Variants in PDE8A observed in about 807,000 individuals in gnomAD.
The protein encoded by PDE8A is phosphodiesterase 8A.
A neutral mutation model predicts 105.0 loss-of-function variants in PDE8A; 59 were observed. The observed-to-expected ratio is 0.56, with a 90% CI of 0.46 to 0.70. The LOEUF (loss-of-function observed/expected upper bound fraction) is 0.70. PDE8A is among the 30% of genes least tolerant of loss of function. The pLI is 0.00. For synonymous variants in PDE8A, 355 were observed against 371.9 expected, an observed-to-expected ratio of 0.95 and a Z score of 0.52; for missense variants, 1,014 against 1,045.9, an observed-to-expected ratio of 0.97 and a Z score of 0.42.
Position 85,083,551 on chromosome 15 carries a change from T to C in PDE8A, c.547-5T>C, listed in dbSNP as rs1397253999. 1 of 1,587,968 alleles carries C rather than the reference T, an allele frequency of 6.3e-7. No homozygotes were observed. The highest frequency in any genetic ancestry group is 8.6e-7 in the Non-Finnish European group (1 of 1,156,364). On this transcript the variant is annotated splice_polypyrimidine_tract_variant and splice_region_variant and intron_variant, in intron 5 of 21. Transcript: ENST00000394553. ...TATCCACAAAATTCCTCTTTCTGTT[T>C]GTAGAGGTATGTAGAAAACCCCAAC...
intron 12 of PDE8A, among the ~76,000 whole-genome samples, chr15:85,112,618 T>C (rs1032071629): frequency 6.6e-6 from 1 of 152,206 alleles, no homozygotes; most frequent in African/African-American, 2.4e-5. Context: ...TGGGCCTCAG[T>C]TTCTTCATTG....
At chr15:85,020,936 T>A (rs2080415709) in intron 1 of PDE8A, among the ~76,000 whole-genome samples, 1 of 152,212 alleles carries the variant, frequency 6.6e-6, no homozygotes, top group Admixed American at 6.5e-5. Flanking sequence ...ACAGACCTTA[T>A]TCATGTTGTC....
chr15:85,104,907 A>G (rs751382942), intron 11 of PDE8A, among the ~76,000 whole-genome samples: 3 of 152,114 alleles, frequency 2.0e-5, no homozygotes, highest in African/African-American at 4.8e-5. Flanking sequence ...TCATTCATTC[A>G]TCATTCATCC....
upstream of PDE8A, among the ~76,000 whole-genome samples, chr15:84,980,849 G>C (rs1249268238): frequency 6.6e-6 from 1 of 152,212 alleles, no homozygotes; most frequent in African/African-American, 2.4e-5. Context: ...GAGGACGGGC[G>C]CCTGCAGCCT....
At position 85,066,903 on chromosome 15, in the gene PDE8A, C is replaced by T. The variant is rs994909645; in HGVS notation, c.244-111C>T. ...GCAGTGAGCCAAGATCATGCCATTA[C>T]ACTCCAGCCTGAGCAACAGAGCAAG... On this transcript the variant is annotated intron_variant, in intron 2 of 21. Transcript: ENST00000394553. The T allele has an allele frequency of 5.6e-5, 42 of 750,020 alleles. No individual in the cohort carries two copies. The Middle Eastern group carries it at 1.7e-3, about 31-fold the overall frequency. 46.5% of individuals were successfully genotyped at this position (750,020 alleles called of 1,614,324 possible).
Position 85,113,425 on chromosome 15 carries a change from C to CA in PDE8A, c.1165dup (p.Ile389AsnfsTer2). ...TCCATGGCCCGGATACATTCCATGA[C>CA]AATTGAGGCGCCCATCACCAAGGTG... On this transcript the variant is annotated frameshift_variant, in exon 13 of 22. Coordinates refer to ENST00000394553, the MANE Select transcript of PDE8A (RefSeq NM_002605.3). LOFTEE classifies it high-confidence loss of function. 1 of 1,614,076 alleles carries CA rather than the reference C, an allele frequency of 6.2e-7. No homozygotes were observed. Among genetic ancestry groups the CA allele is most frequent in the Non-Finnish European group, 8.5e-7 (1 of 1,179,946 alleles).
intron 11 of PDE8A, 69 bp downstream of exon 11, chr15:85,100,267 T>A: frequency 1.5e-6 from 2 of 1,338,228 alleles, no homozygotes; most frequent in Non-Finnish European, 2.1e-6. Context: ...AACAGATCTT[T>A]AACTAGCTTG....
At chr15:85,099,900 CAG>C in intron 9 of PDE8A, 113 bp from the exon 10 acceptor site, 1 of 769,686 alleles carries the variant, frequency 1.3e-6, no homozygotes, top group African/African-American at 1.7e-5. Flanking sequence ...GAAATGTTCT[CAG>C]AGCGTTTTGT....
At position 85,091,201 on chromosome 15, in the gene PDE8A, C is replaced by G; in HGVS notation, c.852+20C>G. On this transcript the variant is annotated intron_variant, in intron 8 of 21. Transcript: ENST00000394553. ...GGCAAGGTAAGTAAGAGGTCAGTGC[C>G]TTTTTTAACTTTCACAACACAGAGA... is the stretch of plus-strand genomic sequence containing the variant. The G allele has an allele frequency of 1.9e-6, 3 of 1,574,680 alleles. No homozygotes were observed. Among genetic ancestry groups the G allele is most frequent in the Non-Finnish European group, 2.6e-6 (3 of 1,159,834 alleles).
At chr15:85,132,849 TG>T (rs2082348673) in intron 20 of PDE8A, among the ~76,000 whole-genome samples, 1 of 91,762 alleles carries the variant, frequency 1.1e-5, no homozygotes, top group Non-Finnish European at 2.6e-5. Flanking sequence ...TGTGTGTGTG[TG>T]TGTGTGTGTG....
At position 84,989,640 on chromosome 15, in the gene PDE8A, A is replaced by G. The variant is rs142895780; in HGVS notation, c.186+7292A>G. Among the ~76,000 whole-genome samples the G allele has an allele frequency of 2.6e-3, 401 of 152,348 alleles. 3 individuals are homozygous for G. The highest frequency in any genetic ancestry group is 9.3e-3 in the African/African-American group (385 of 41,568). On this transcript the variant is annotated intron_variant, in intron 1 of 21. Coordinates refer to ENST00000394553, the MANE Select transcript of PDE8A (RefSeq NM_002605.3). ...CCTGATCCTGAGTTTTCTCAAGTAC[A>G]GAGTGAAGCTAGAATACCTGGGTTC... is the stretch of plus-strand genomic sequence containing the variant.
At chr15:85,078,158 AAAG>A (rs1191366041) in intron 5 of PDE8A, among the ~76,000 whole-genome samples, 3 of 151,974 alleles carry the variant, frequency 2.0e-5, no homozygotes, top group Non-Finnish European at 1.5e-5. Flanking sequence ...AAAAAAAAAA[AAAG>A]AAAAGGACTT....
rs34363361 is a variant in PDE8A, at chr15:84,996,823, CAAAAAA to C, written c.186+14497_186+14502del. On this transcript the variant is annotated intron_variant, in intron 1 of 21. Coordinates refer to ENST00000394553, the MANE Select transcript of PDE8A (RefSeq NM_002605.3). Reference sequence around the variant, plus strand: ...CCTGGACAACAGAGCAAGACTCTCTCAAAAAAAAAAAAAAAAAAAAAAAAAAAGGTG... The same window carrying C: ...CCTGGACAACAGAGCAAGACTCTCTCAAAAAAAAAAAAAAAAAAAAAGGTG... 2.0e-4 allele frequency among the ~76,000 whole-genome samples: 11 copies of C among 53,830 alleles called. No homozygotes were observed. The Admixed American group carries it at 2.7e-3, about 13-fold the overall frequency. 35.3% of individuals were successfully genotyped at this position (53,830 alleles called of 152,430 possible).
At chr15:85,100,314 A>G (rs2081840348) in intron 11 of PDE8A, 116 bp downstream of exon 11, 1 of 877,518 alleles carries the variant, frequency 1.1e-6, no homozygotes, top group African/African-American at 1.7e-5. Flanking sequence ...AGACTGTGGC[A>G]ACATTTCTCT....
chr15:85,090,866 G>T (rs2081631475), intron 7 of PDE8A, 178 bp from the exon 8 acceptor site: 1 of 669,486 alleles, frequency 1.5e-6, no homozygotes. Context: ...GCTCGTCTGG[G>T]CTCCAGAATT....
chr15:85,109,346 A>G (rs2081989392), intron 12 of PDE8A, among the ~76,000 whole-genome samples: 1 of 152,222 alleles, frequency 6.6e-6, no homozygotes, highest in Admixed American at 6.5e-5. Flanking sequence ...AAAGAAAAGG[A>G]AGAAGATACA....
At chr15:85,014,356 A>G (rs796330392) in intron 1 of PDE8A, among the ~76,000 whole-genome samples, 15 of 152,150 alleles carry the variant, frequency 9.9e-5, no homozygotes, top group African/African-American at 3.4e-4. Context: ...ATGGCGGCAA[A>G]TGGTGATATT....
intron 1 of PDE8A, among the ~76,000 whole-genome samples, chr15:85,012,460 A>C (rs1217515827): frequency 1.3e-5 from 2 of 150,230 alleles, no homozygotes; most frequent in Non-Finnish European, 3.0e-5. Context: ...AAAAAACCAA[A>C]CACCGCATGT....
chr15:85,113,984 G>A lies in PDE8A; in HGVS notation c.1297G>A (p.Gly433Ser). The change falls in exon 14 of 22, where the codon GGT (glycine) becomes AGT (serine). Residue 433 changes from glycine (G) to serine (S), a missense_variant. By Grantham distance (56) the Gly-to-Ser change is moderately conservative. Coordinates refer to ENST00000394553, the MANE Select transcript of PDE8A (RefSeq NM_002605.3). ...CACTGAGTTATATTCACCACAGTTT[G>A]GTGCTAAAGATGATGATCCCCATGC... The part of the protein sequence containing the change: ...RTTELYSPQF[G>S]AKDDDPHAND... 1 of 1,613,956 alleles carries A rather than the reference G, an allele frequency of 6.2e-7. No individual in the cohort carries two copies. Among genetic ancestry groups the A allele is most frequent in the Non-Finnish European group, 8.5e-7 (1 of 1,179,780 alleles).
Sources: allele counts gnomAD v4.1 joint callset (sites outside exome capture counted in the v4.1 genomes callset), GRCh38; gene constraint gnomAD v4.1.1; transcripts MANE v1.5; gene names NCBI Gene and HGNC (gene_info 2026-07-23, HGNC 2026-07-21).